CYLC1: variants seen among roughly 807,000 people sequenced by gnomAD.
The protein encoded by CYLC1 is cylicin-1.
In CYLC1, 2 loss-of-function variants were observed where a neutral mutation model predicts 31.6. The ratio of observed to expected loss-of-function variants is 0.06; its 90% CI spans 0.03 to 0.20. The LOEUF is 0.20. CYLC1 is among the 10% of genes least tolerant of loss of function. The pLI is 1.00. For synonymous variants in CYLC1, 185 were observed against 153.0 expected (o/e 1.21, Z -1.54); for missense variants, 595 against 424.1 (o/e 1.40, Z -3.54).
At chrX:83,882,512 T>G in intron 4 of CYLC1, among the ~76,000 whole-genome samples, 1 of 110,983 alleles carries the variant, frequency 9.0e-6, no homozygotes, top group Admixed American at 9.7e-5. Flanking sequence ...ACTTGTAATC[T>G]CTTGCCTTTA....
chrX:83,863,294 G>A (rs1380456204), intron 1 of CYLC1, among the ~76,000 whole-genome samples: 3 of 111,085 alleles, frequency 2.7e-5, no homozygotes, highest in African/African-American at 9.8e-5. Flanking sequence ...TGATATGTCA[G>A]GTACCTCTAA....
At position 83,873,595 on chromosome X, in the gene CYLC1, C is replaced by G. The variant is rs150275297; in HGVS notation, c.887C>G (p.Ser296Cys). Residue 296 changes from serine to cysteine, a missense_variant, in exon 4 of 5, where the codon TCT becomes TGT. Transcript: ENST00000329312. ...KDTKKNAKKSSDAESEDSKDA... is the reference protein window; with the variant it reads ...KDTKKNAKKSCDAESEDSKDA... ...ACAAAAAAGAATGCAAAGAAAAGCT[C>G]TGATGCTGAATCTGAAGACTCAAAG... The G allele has an allele frequency of 7.7e-4, 912 of 1,189,255 alleles. No homozygotes were observed. The highest frequency in any genetic ancestry group is 9.7e-4 in the Non-Finnish European group (861 of 884,170).
intron 1 of CYLC1, among the ~76,000 whole-genome samples, 159 bp downstream of exon 1, chrX:83,861,358 A>G (rs566903622): frequency 1.8e-5 from 2 of 112,242 alleles, no homozygotes; most frequent in Middle Eastern, 9.2e-3. Context: ...AATTTTCAAT[A>G]ATATCTTAGA....
At position 83,873,318 on chromosome X, in the gene CYLC1, A is replaced by C; in HGVS notation, c.610A>C (p.Lys204Gln). 8.3e-7 allele frequency: 1 copy of C among 1,202,068 alleles called. No individual in the cohort carries two copies. Among genetic ancestry groups the C allele is most frequent in the Non-Finnish European group, 1.1e-6 (1 of 890,664 alleles). The part of the protein sequence containing the change: ...NCSQKDKKDS[K>Q]NSKKTNTEFL... ...TTCACAAAAAGATAAGAAAGATTCA[A>C]AGAATTCCAAGAAGACAAACACTGA... Residue 204 changes from lysine (K) to glutamine (Q), a missense_variant, in exon 4 of 5, where the codon AAG (lysine) becomes CAG (glutamine). Coordinates refer to ENST00000329312, the MANE Select transcript of CYLC1 (RefSeq NM_021118.3).
chrX:83,883,321 T>C (rs2147787827), intron 4 of CYLC1, among the ~76,000 whole-genome samples: 1 of 112,025 alleles, frequency 8.9e-6, no homozygotes, highest in Non-Finnish European at 1.9e-5. Flanking sequence ...AACTTAAAAG[T>C]TTGGTAATAA....
chrX:83,874,181 G>T lies in CYLC1; in HGVS notation c.1473G>T (p.Glu491Asp), dbSNP rs148458786. 1,276 of 1,202,184 alleles carry T rather than the reference G, an allele frequency of 1.1e-3. 4 individuals are homozygous for T. In the Middle Eastern group the frequency reaches 0.012, roughly 11 times the overall value. ...CTACTGAAATGGAATCTGATTTGGAGTTAAAGAAGGACAAGAAACACTCAA... is the reference window on the plus strand; with the variant it reads ...CTACTGAAATGGAATCTGATTTGGATTTAAAGAAGGACAAGAAACACTCAA... ...AESTEMESDL[E>D]LKKDKKHSKE... The change falls in exon 4 of 5, where the codon GAG (glutamate) becomes GAT (aspartate). Residue 491 changes from glutamate to aspartate, a missense_variant. Transcript: ENST00000329312.
At chrX:83,878,587 C>T (rs2031863539) in intron 4 of CYLC1, among the ~76,000 whole-genome samples, 1 of 91,832 alleles carries the variant, frequency 1.1e-5, no homozygotes, top group African/African-American at 4.0e-5. Flanking sequence ...AAAACAGCAC[C>T]TATGTTATAT....
intron 4 of CYLC1, among the ~76,000 whole-genome samples, chrX:83,881,495 C>A (rs182178882): frequency 8.6e-4 from 93 of 108,374 alleles, no homozygotes; most frequent in South Asian, 7.3e-3. Flanking sequence ...TGATGGACTA[C>A]GGATAGAATA....
chrX:83,876,004 G>T (rs887634724), intron 4 of CYLC1, among the ~76,000 whole-genome samples: 8 of 109,777 alleles, frequency 7.3e-5, no homozygotes, highest in African/African-American at 2.6e-4. Flanking sequence ...TCACCTTCTT[G>T]TTCTTCTAAC....
chrX:83,875,239 T>C (rs766240461), intron 4 of CYLC1, among the ~76,000 whole-genome samples: 1 of 111,579 alleles, frequency 9.0e-6, no homozygotes, highest in East Asian at 2.9e-4. Context: ...ACTTTATCTA[T>C]TTGGAGGTAA....
At chrX:83,863,664 G>A in intron 1 of CYLC1, among the ~76,000 whole-genome samples, 1 of 111,293 alleles carries the variant, frequency 9.0e-6, no homozygotes, top group Non-Finnish European at 1.9e-5. Context: ...CTTCAAGTGG[G>A]CCATTAATGC....
At chrX:83,885,121 T>A (rs996957074) in intron 4 of CYLC1, among the ~76,000 whole-genome samples, 2 of 111,355 alleles carry the variant, frequency 1.8e-5, no homozygotes, top group African/African-American at 6.5e-5. Flanking sequence ...TTTGGGGTAA[T>A]GTGAAATGTT....
intron 1 of CYLC1, among the ~76,000 whole-genome samples, chrX:83,868,206 T>C (rs950978824): frequency 3.6e-5 from 4 of 111,431 alleles, no homozygotes; most frequent in African/African-American, 1.3e-4. Context: ...AAGTTTATTA[T>C]GAACACTGAA....
At chrX:83,883,731 G>A (rs2031944200) in intron 4 of CYLC1, among the ~76,000 whole-genome samples, 2 of 111,702 alleles carry the variant, frequency 1.8e-5, no homozygotes, top group African/African-American at 6.5e-5. Context: ...GTTTACTAAT[G>A]TATTTGAAAT....
At chrX:83,879,131 G>C (rs1020941540) in intron 4 of CYLC1, among the ~76,000 whole-genome samples, 4 of 110,392 alleles carry the variant, frequency 3.6e-5, no homozygotes, top group African/African-American at 1.3e-4. Flanking sequence ...AGGGTGTTTT[G>C]TTTTCCATTC....
At chrX:83,882,964 C>G (rs1485989931) in intron 4 of CYLC1, among the ~76,000 whole-genome samples, 1 of 110,557 alleles carries the variant, frequency 9.0e-6, no homozygotes, top group Non-Finnish European at 1.9e-5. Flanking sequence ...AATATAGTAC[C>G]TAACCTACCC....
chrX:83,886,486 G>T, intron 4 of CYLC1, 66 bp from the exon 5 acceptor site: 2 of 1,039,906 alleles, frequency 1.9e-6, no homozygotes, highest in Non-Finnish European at 2.7e-6. Context: ...ACACATCATA[G>T]TTGTCTTGAT....
intron 4 of CYLC1, among the ~76,000 whole-genome samples, chrX:83,884,645 A>G (rs1173695411): frequency 8.9e-6 from 1 of 112,112 alleles, no homozygotes; most frequent in Non-Finnish European, 1.9e-5. Context: ...AAAATAAAAA[A>G]CAAACACTAA....
chrX:83,861,315 G>T (rs922308855), intron 1 of CYLC1, 116 bp downstream of exon 1: 1 of 521,144 alleles, frequency 1.9e-6, no homozygotes, highest in African/African-American at 2.4e-5. Context: ...TTTTATTTAT[G>T]AATTAGAACT....
Sources: gnomAD v4.1 joint callset for allele counts (sites outside exome capture counted in the v4.1 genomes callset) on GRCh38, gnomAD v4.1.1 for gene constraint, MANE v1.5 for transcripts, NCBI Gene and HGNC (gene_info 2026-07-23, HGNC 2026-07-21) for gene names.